PLOD2: variants seen among roughly 807,000 people sequenced by gnomAD.
PLOD2 encodes the protein lysine hydroxylase 2.
Under a neutral mutation model 101.0 loss-of-function variants are expected in PLOD2, and 65 were observed. That is an observed-to-expected ratio of 0.64 (90% CI 0.53 to 0.79). The LOEUF (loss-of-function observed/expected upper bound fraction) is 0.79, where lower values mean the gene tolerates loss of function less well. PLOD2 is among the 30% of genes least tolerant of loss of function. The pLI is 0.00. For missense variants in PLOD2, 909 were observed against 914.6 expected, an observed-to-expected ratio of 0.99 and a Z score of 0.08; for synonymous variants, 314 against 302.9, an observed-to-expected ratio of 1.04 and a Z score of -0.38.
chr3:146,146,920 T>C (rs566315838), intron 1 of PLOD2, among the ~76,000 whole-genome samples: 6 of 152,276 alleles, frequency 3.9e-5, no homozygotes, highest in South Asian at 2.1e-4. Context: ...CTGACCAACA[T>C]AGGGTTCCTG....
intron 3 of PLOD2, among the ~76,000 whole-genome samples, chr3:146,117,062 C>G (rs993434804): frequency 6.6e-6 from 1 of 152,042 alleles, no homozygotes; most frequent in Admixed American, 6.6e-5. Flanking sequence ...GATGACTGCA[C>G]GACTCTGTAA....
At chr3:146,145,343 G>C (rs542317868) in intron 1 of PLOD2, among the ~76,000 whole-genome samples, 1 of 152,212 alleles carries the variant, frequency 6.6e-6, no homozygotes, top group African/African-American at 2.4e-5. Context: ...ATCTAGTTTT[G>C]TCTATGTGTT....
At chr3:146,070,904 A>G in intron 19 of PLOD2, 32 bp from the exon 20 acceptor site, 1 of 1,575,274 alleles carries the variant, frequency 6.3e-7, no homozygotes, top group African/African-American at 1.3e-5. Flanking sequence ...AATACATCAG[A>G]TTATATTTAA....
At chr3:146,108,773 C>T (rs752993236) in intron 4 of PLOD2, among the ~76,000 whole-genome samples, 1 of 152,172 alleles carries the variant, frequency 6.6e-6, no homozygotes, top group Non-Finnish European at 1.5e-5. Context: ...TGAAACCTAA[C>T]CACCTGAGTA....
At chr3:146,071,536 T>C in intron 17 of PLOD2, 113 bp from the exon 18 acceptor site, 1 of 1,000,606 alleles carries the variant, frequency 1.0e-6, no homozygotes, top group Non-Finnish European at 1.6e-6. Flanking sequence ...TAACAGTTGT[T>C]CCAATGTGGT....
At chr3:146,143,872 C>A (rs1317422162) in intron 1 of PLOD2, among the ~76,000 whole-genome samples, 1 of 152,104 alleles carries the variant, frequency 6.6e-6, no homozygotes, top group Non-Finnish European at 1.5e-5. Context: ...CTAGTCCACA[C>A]TCCAAGTACC....
intron 12 of PLOD2, among the ~76,000 whole-genome samples, chr3:146,081,334 C>T (rs889023887): frequency 6.6e-6 from 1 of 152,098 alleles, no homozygotes; most frequent in Admixed American, 6.5e-5. Flanking sequence ...AATGTTCTGG[C>T]TGTTAGTGTT....
intron 8 of PLOD2, among the ~76,000 whole-genome samples, chr3:146,089,274 T>C (rs1255254395): frequency 6.6e-6 from 1 of 151,494 alleles, no homozygotes; most frequent in East Asian, 1.9e-4. Context: ...TATTTTAATA[T>C]ATTTTCTTAA....
Position 146,096,881 on chromosome 3 carries a change from G to C in PLOD2, c.778-4980C>G, listed in dbSNP as rs1270327574. On this transcript the variant is annotated intron_variant, in intron 7 of 19. Transcript: ENST00000282903. ...CAGCTGCCCCGTCCGGGAGGGAGGT[G>C]GGGGGGGGGAGTCGGCCAGCCGCCC... 4.2e-5 allele frequency among the ~76,000 whole-genome samples: 3 copies of C among 72,282 alleles called. 1 individual carries two copies. The highest frequency in any genetic ancestry group is 9.2e-4 in the South Asian group (2 of 2,172). The allele number at this position is 72,282 out of a possible 152,430, so 47.4% of individuals were successfully genotyped here. A position where few individuals can be genotyped will look rare whatever the true frequency, so the allele number is the denominator to read the frequency against.
At chr3:146,142,959 TG>T (rs1484214136) in intron 1 of PLOD2, among the ~76,000 whole-genome samples, 3 of 152,118 alleles carry the variant, frequency 2.0e-5, no homozygotes, top group Non-Finnish European at 4.4e-5. Context: ...TTCCATGCTT[TG>T]GTTATAACAC....
chr3:146,130,841 A>G lies in PLOD2; in HGVS notation c.110-6612T>C, dbSNP rs374389499. ...ATGTTCAGAAAAGAGATAGCAACTT[A>G]AGACTTCTATCCTTAGAAAGATCTG... On this transcript the variant is annotated intron_variant, in intron 1 of 19. Coordinates refer to ENST00000282903, the MANE Select transcript of PLOD2 (RefSeq NM_182943.3). 3.7e-4 allele frequency among the ~76,000 whole-genome samples: 57 copies of G among 152,296 alleles called. No homozygotes were observed. The South Asian group carries it at 0.011, about 30-fold the overall frequency.
intron 14 of PLOD2, chr3:146,077,168 G>A: frequency 9.4e-7 from 1 of 1,059,478 alleles, no homozygotes; most frequent in South Asian, 3.7e-5. Context: ...ATTGATCCTA[G>A]ATGTAGACAT....
At chr3:146,154,015 G>C (rs1024560237) in intron 1 of PLOD2, among the ~76,000 whole-genome samples, 4 of 151,984 alleles carry the variant, frequency 2.6e-5, no homozygotes, top group Non-Finnish European at 4.4e-5. Flanking sequence ...AATGCACCAG[G>C]ATGTCTTATG....
chr3:146,080,707 T>C (rs1470841427), intron 12 of PLOD2, among the ~76,000 whole-genome samples: 3 of 152,128 alleles, frequency 2.0e-5, no homozygotes, highest in Non-Finnish European at 4.4e-5. Flanking sequence ...CAAACCCTCA[T>C]TTGTGATGTG....
chr3:146,094,159 T>C (rs1230795866), intron 7 of PLOD2, among the ~76,000 whole-genome samples: 1 of 152,210 alleles, frequency 6.6e-6, no homozygotes, highest in Non-Finnish European at 1.5e-5. Context: ...TCTTTCACAA[T>C]ATCAAAATGT....
intron 2 of PLOD2, among the ~76,000 whole-genome samples, chr3:146,123,690 T>C (rs1385005132): frequency 1.3e-5 from 2 of 152,068 alleles, no homozygotes; most frequent in South Asian, 2.1e-4. Flanking sequence ...CTTATTTACA[T>C]TGTATTTGTA....
intron 5 of PLOD2, chr3:146,105,192 T>C (rs1032870258): frequency 3.3e-5 from 5 of 152,230 alleles, no homozygotes; most frequent in Non-Finnish European, 7.3e-5. Flanking sequence ...ATAAAACATA[T>C]TTCTTATTTA....
At chr3:146,145,916 C>T (rs2031751627) in intron 1 of PLOD2, among the ~76,000 whole-genome samples, 1 of 152,056 alleles carries the variant, frequency 6.6e-6, no homozygotes, top group African/African-American at 2.4e-5. Context: ...ATAAGTCAAA[C>T]AAATATCATA....
At chr3:146,150,431 T>C (rs1226391713) in intron 1 of PLOD2, among the ~76,000 whole-genome samples, 1 of 151,914 alleles carries the variant, frequency 6.6e-6, no homozygotes, top group Non-Finnish European at 1.5e-5. Flanking sequence ...TGCGAGAACA[T>C]GGATGGAGCT....
Sources: allele counts gnomAD v4.1 joint callset (sites outside exome capture counted in the v4.1 genomes callset), GRCh38; gene constraint gnomAD v4.1.1; transcripts MANE v1.5; gene names NCBI Gene and HGNC (gene_info 2026-07-23, HGNC 2026-07-21).